The following PTPRN2 variants were observed in gnomAD, a reference collection of about 807,000 sequenced individuals.
The protein encoded by PTPRN2 is protein tyrosine phosphatase receptor type N2.
Under a neutral mutation model 118.8 loss-of-function variants are expected in PTPRN2, and 74 were observed. That is an observed-to-expected ratio of 0.62 (90% confidence interval 0.52 to 0.76). The LOEUF (loss-of-function observed/expected upper bound fraction) is 0.76. Ranked by LOEUF, PTPRN2 falls within the 30% of genes least tolerant of loss-of-function variation. The pLI is 0.00. For missense variants in PTPRN2, 1,481 were observed against 1,394.4 expected, an observed-to-expected ratio of 1.06 and a Z score of -0.99; for synonymous variants, 641 against 608.0, an observed-to-expected ratio of 1.05 and a Z score of -0.80.
At chr7:158,372,180 C>T in intron 2 of PTPRN2, among the ~76,000 whole-genome samples, 1 of 150,772 alleles carries the variant, frequency 6.6e-6, no homozygotes, top group East Asian at 1.9e-4. Context: ...TGCTGGTCCC[C>T]AGAGCTGGAC....
chr7:157,917,757 C>G (rs2128767253), intron 11 of PTPRN2, among the ~76,000 whole-genome samples: 1 of 152,120 alleles, frequency 6.6e-6, no homozygotes, highest in Admixed American at 6.5e-5. Context: ...CTGCTATGTT[C>G]AATAAAAGTG....
chr7:158,219,714 A>G (rs1828208652), intron 3 of PTPRN2, among the ~76,000 whole-genome samples: 1 of 152,000 alleles, frequency 6.6e-6, no homozygotes, highest in South Asian at 2.1e-4. Flanking sequence ...GACAACGGTG[A>G]TATTACAAGA....
Position 157,835,425 on chromosome 7 carries a change from T to C in PTPRN2, c.1788+63248A>G, listed in dbSNP as rs547706775. Among the ~76,000 whole-genome samples, 3 of 152,164 alleles carry C rather than the reference T, an allele frequency of 2.0e-5. No individual in the cohort carries two copies. The South Asian group carries it at 6.2e-4, about 32-fold the overall frequency. On this transcript the variant is annotated intron_variant, in intron 12 of 22. Coordinates refer to ENST00000389418, the MANE Select transcript of PTPRN2 (RefSeq NM_002847.5). ...TCACATTGAGGCGGCAGAGCAGAAC[T>C]GACTACAGTTCACAACCGAACCCGC...
intron 2 of PTPRN2, among the ~76,000 whole-genome samples, chr7:158,322,605 C>T (rs1803127840): frequency 6.6e-6 from 1 of 152,228 alleles, no homozygotes. Context: ...GGAGCAGCTC[C>T]GTGCATGGCA....
At chr7:157,916,051 C>T (rs370045314) in intron 11 of PTPRN2, among the ~76,000 whole-genome samples, 1 of 152,174 alleles carries the variant, frequency 6.6e-6, no homozygotes, top group Non-Finnish European at 1.5e-5. Context: ...TTATATTATG[C>T]TAAATATAAC....
intron 2 of PTPRN2, among the ~76,000 whole-genome samples, chr7:158,441,281 GGTGGTGGTGGTGATGGTGATA>G (rs1817137538): frequency 1.0e-5 from 1 of 98,212 alleles, no homozygotes; most frequent in Non-Finnish European, 2.5e-5. Flanking sequence ...TGATGGTGAT[GGTGGTGGTGGTGATGGTGATA>G]GTAATGGTGA....
chr7:158,331,695 C>G (rs1414259965), intron 2 of PTPRN2, among the ~76,000 whole-genome samples: 1 of 150,544 alleles, frequency 6.6e-6, no homozygotes, highest in Non-Finnish European at 1.5e-5. Flanking sequence ...GTGACACTTG[C>G]AGACGTCACT....
chr7:157,574,262 A>G (rs2150520172), intron 19 of PTPRN2: 1 of 440,258 alleles, frequency 2.3e-6, no homozygotes, highest in Non-Finnish European at 5.1e-6. Context: ...CGTCATGCAA[A>G]GCACCAGCAA....
intron 11 of PTPRN2, among the ~76,000 whole-genome samples, chr7:158,014,106 A>G (rs1308533386): frequency 1.2e-4 from 10 of 86,778 alleles, no homozygotes; most frequent in African/African-American, 4.0e-4. Context: ...CCATCCATCT[A>G]TCCCTCTATC....
chr7:158,018,979 A>AC (rs1379887708), intron 11 of PTPRN2, among the ~76,000 whole-genome samples: 2 of 151,122 alleles, frequency 1.3e-5, no homozygotes, highest in East Asian at 1.9e-4. Flanking sequence ...AAAAAAAAAA[A>AC]AAAAAAAAAA....
At chr7:158,316,228 A>T (rs2151092470) in intron 3 of PTPRN2, among the ~76,000 whole-genome samples, 1 of 152,244 alleles carries the variant, frequency 6.6e-6, no homozygotes, top group Middle Eastern at 3.4e-3. Context: ...TCCTGCCAGA[A>T]CTACCCTCCG....
chr7:158,454,962 C>T (rs182418771), intron 2 of PTPRN2, among the ~76,000 whole-genome samples: 30 of 152,318 alleles, frequency 2.0e-4, no homozygotes, highest in Admixed American at 1.4e-3. Context: ...GCTGCCTCCA[C>T]GCAGCCCACA....
chr7:157,895,804 T>C (rs1425034499), intron 12 of PTPRN2, among the ~76,000 whole-genome samples: 3 of 152,000 alleles, frequency 2.0e-5, no homozygotes, highest in African/African-American at 7.2e-5. Flanking sequence ...TGAGAGTGAA[T>C]GTTTACGCGT....
chr7:157,686,210 G>A (rs13237483), intron 12 of PTPRN2, among the ~76,000 whole-genome samples: 21,945 of 152,240 alleles, frequency 0.14, 1,997 homozygotes, highest in Non-Finnish European at 0.21. Flanking sequence ...CGCGGGCGCC[G>A]CAGAAGAAAC....
At chr7:157,996,917 G>A (rs886329012) in intron 11 of PTPRN2, among the ~76,000 whole-genome samples, 2 of 152,190 alleles carry the variant, frequency 1.3e-5, no homozygotes, top group Non-Finnish European at 2.9e-5. Context: ...TCCTAGGCCC[G>A]GGGCGGGTGT....
At chr7:158,391,214 G>A (rs1660290408) in intron 2 of PTPRN2, among the ~76,000 whole-genome samples, 1 of 152,230 alleles carries the variant, frequency 6.6e-6, no homozygotes, top group Non-Finnish European at 1.5e-5. Flanking sequence ...GAGAGACATT[G>A]ACTTCCATTC....
intron 1 of PTPRN2, among the ~76,000 whole-genome samples, chr7:158,507,330 G>A (rs1396718119): frequency 6.6e-6 from 1 of 151,878 alleles, no homozygotes. Flanking sequence ...GGATAGCCCT[G>A]CGCTGGGCAG....
intron 10 of PTPRN2, among the ~76,000 whole-genome samples, chr7:158,097,924 A>C (rs981852812): frequency 1.9e-4 from 29 of 152,206 alleles, no homozygotes; most frequent in African/African-American, 7.0e-4. Context: ...CCTTTCCCGG[A>C]ACAATGAGCA....
At chr7:158,521,554 G>C (rs1249694637) in intron 1 of PTPRN2, among the ~76,000 whole-genome samples, 2 of 150,268 alleles carry the variant, frequency 1.3e-5, no homozygotes, top group Non-Finnish European at 3.0e-5. Flanking sequence ...CGGAATGGTG[G>C]ACTGTCCAGG....
Sources: gnomAD v4.1 joint callset for allele counts (sites outside exome capture counted in the v4.1 genomes callset) on GRCh38, gnomAD v4.1.1 for gene constraint, MANE v1.5 for transcripts, NCBI Gene and HGNC (gene_info 2026-07-23, HGNC 2026-07-21) for gene names.